Variants in DCAF4 observed in about 807,000 individuals in gnomAD.
DCAF4 encodes DDB1 and CUL4 associated factor 4.
A neutral mutation model predicts 60.9 loss-of-function variants in DCAF4; 37 were observed. That is an observed-to-expected ratio of 0.61 (90% confidence interval 0.47 to 0.80). The LOEUF is 0.80. Ranked by LOEUF, DCAF4 falls within the 30% of genes least tolerant of loss-of-function variation. DCAF4 has a pLI of 0.00. For missense variants in DCAF4, 577 were observed against 650.0 expected, an observed-to-expected ratio of 0.89 and a Z score of 1.22; for synonymous variants, 243 against 254.8, an observed-to-expected ratio of 0.95 and a Z score of 0.44.
chr14:72,928,227 ATTG>A, intron 1 of DCAF4, among the ~76,000 whole-genome samples: 1 of 50,294 alleles, frequency 2.0e-5, no homozygotes. Flanking sequence ...GAATTTCACT[ATTG>A]TTGCCCAGGC....
chr14:72,950,578 G>A (rs1019035482), intron 8 of DCAF4, among the ~76,000 whole-genome samples: 2 of 152,008 alleles, frequency 1.3e-5, no homozygotes, highest in Admixed American at 6.5e-5. Flanking sequence ...TTGGCTATGA[G>A]GGGAAAAGGA....
intron 6 of DCAF4, 124 bp downstream of exon 6, chr14:72,943,220 C>A (rs1890284172): frequency 1.2e-6 from 1 of 837,842 alleles, no homozygotes; most frequent in Non-Finnish European, 1.9e-6. Context: ...TAGGTGGCAT[C>A]TTCTTGGTTG....
At chr14:72,954,339 A>G (rs758694378) in intron 10 of DCAF4, 47 bp from the exon 11 acceptor site, 5 of 1,612,532 alleles carry the variant, frequency 3.1e-6, no homozygotes, top group East Asian at 4.5e-5. Flanking sequence ...CCCTCTCCCC[A>G]GACTACATGT....
intron 4 of DCAF4, 60 bp downstream of exon 4, chr14:72,940,437 A>G (rs1374088710): frequency 6.5e-7 from 1 of 1,535,042 alleles, no homozygotes; most frequent in African/African-American, 1.4e-5. Context: ...CTGTCCATCC[A>G]CTGTTGAAAA....
At chr14:72,940,137 G>T (rs879167896) in intron 3 of DCAF4, 83 bp from the exon 4 acceptor site, 17 of 1,544,328 alleles carry the variant, frequency 1.1e-5, no homozygotes, top group African/African-American at 2.8e-5. Flanking sequence ...GCCACGAGGT[G>T]GGGGGACAGG....
intron 9 of DCAF4, 108 bp downstream of exon 9, chr14:72,951,985 T>G: frequency 8.4e-7 from 1 of 1,192,730 alleles, no homozygotes; most frequent in African/African-American, 1.5e-5. Context: ...TGTGGGAGGA[T>G]TCCCTAAGCC....
chr14:72,941,579 G>C (rs546397341), intron 4 of DCAF4, among the ~76,000 whole-genome samples, 166 bp from the exon 5 acceptor site: 2 of 151,446 alleles, frequency 1.3e-5, no homozygotes, highest in Non-Finnish European at 2.9e-5. Context: ...TCCTCTTGCC[G>C]AGGAAGGGAG....
At chr14:72,935,480 C>G (rs1301597151) in intron 1 of DCAF4, among the ~76,000 whole-genome samples, 2 of 152,364 alleles carry the variant, frequency 1.3e-5, no homozygotes, top group Non-Finnish European at 1.5e-5. Context: ...ATCTCAAACT[C>G]CTGACCTCAG....
downstream of DCAF4, chr14:72,961,997 A>G (rs1892838092): frequency 6.3e-6 from 7 of 1,103,754 alleles, no homozygotes; most frequent in Non-Finnish European, 7.9e-6. Flanking sequence ...CCTCTGTTCT[A>G]ACAGCATCTC....
chr14:72,954,589 G>GTTT (rs1339966318), intron 11 of DCAF4, 106 bp downstream of exon 11: 1 of 1,027,298 alleles, frequency 9.7e-7, no homozygotes, highest in Non-Finnish European at 1.5e-6. Context: ...CTTTGACAGG[G>GTTT]GAGAAAGAGC....
chr14:72,950,055 T>C (rs1476292152), intron 8 of DCAF4, among the ~76,000 whole-genome samples: 2 of 152,188 alleles, frequency 1.3e-5, no homozygotes, highest in African/African-American at 4.8e-5. Flanking sequence ...TGGCAGCAGT[T>C]TGATATTCAT....
chr14:72,951,832 T>C lies in DCAF4; in HGVS notation c.763T>C (p.Cys255Arg), dbSNP rs1891454659. The change falls in exon 9 of 14, where the codon TGT (cysteine) becomes CGT (arginine). Residue 255 changes from cysteine (C) to arginine (R), a missense_variant. Cys to Arg is a radical substitution (Grantham distance 180). Transcript: ENST00000358377. The part of the protein sequence containing the change: ...CLMGLAETPG[C>R]ATLLPASLFV... Reference sequence around the variant, plus strand: ...CATGGGACTCGCAGAGACTCCAGGCTGTGCCACCCTGCTCCCAGCATCACT... The same window carrying C: ...CATGGGACTCGCAGAGACTCCAGGCCGTGCCACCCTGCTCCCAGCATCACT... The C allele has an allele frequency of 2.5e-6, 4 of 1,614,052 alleles. No homozygotes were observed. In the Admixed American group the frequency reaches 6.7e-5, roughly 27 times the overall value.
chr14:72,927,892 T>A (rs1326184061), intron 1 of DCAF4, among the ~76,000 whole-genome samples: 1 of 152,166 alleles, frequency 6.6e-6, no homozygotes, highest in Non-Finnish European at 1.5e-5. Flanking sequence ...CTGTCTAAAA[T>A]GTTGTTTTAC....
In DCAF4 at chr14:72,956,465, T is replaced by C. The variant is rs1594807666; in HGVS notation, c.1259T>C (p.Leu420Pro). ...GTGAATGAGTACGCCTACCTGCCCC[T>C]GCATGTGCACGAGGAAGAAGGAATC... is the stretch of plus-strand genomic sequence containing the variant. ...GHVNEYAYLP[L>P]HVHEEEGILV... The change falls in exon 13 of 14, where the codon CTG becomes CCG. Residue 420 changes from leucine (L) to proline (P), a missense_variant. Transcript: ENST00000358377. 6.2e-7 allele frequency: 1 copy of C among 1,613,336 alleles called. No individual in the cohort carries two copies. The highest frequency in any genetic ancestry group is 1.3e-5 in the African/African-American group (1 of 75,022).
At chr14:72,955,913 CCTTT>C (rs1892217341) in intron 12 of DCAF4, among the ~76,000 whole-genome samples, 1 of 106,906 alleles carries the variant, frequency 9.4e-6, no homozygotes, top group Non-Finnish European at 1.9e-5. Flanking sequence ...CTGGTTATGT[CCTTT>C]TTTTTTTTTT....
At position 72,956,423 on chromosome 14, in the gene DCAF4, G is replaced by A. The variant is rs1294078597; in HGVS notation, c.1217G>A (p.Arg406Lys). 6.2e-7 allele frequency: 1 copy of A among 1,613,310 alleles called. No homozygotes were observed. Among genetic ancestry groups the A allele is most frequent in the Non-Finnish European group, 8.5e-7 (1 of 1,179,688 alleles). ...LWDLRTTKCVRQYEGHVNEYA... is the reference protein window; with the variant it reads ...LWDLRTTKCVKQYEGHVNEYA... ...GACCTGAGGACCACGAAGTGCGTAA[G>A]GCAGTACGAAGGCCACGTGAATGAG... The change falls in exon 13 of 14, where the codon AGG becomes AAG. Residue 406 changes from arginine (R) to lysine (K), a missense_variant. Physicochemically the swap from Arg to Lys is conservative, Grantham distance 26. Transcript: ENST00000358377.
intron 1 of DCAF4, among the ~76,000 whole-genome samples, chr14:72,934,196 A>C (rs1408872201): frequency 1.4e-5 from 2 of 144,764 alleles, no homozygotes; most frequent in Admixed American, 1.4e-4. Context: ...TCTGTTGCTC[A>C]AGGCTGGAGT....
chr14:72,934,080 A>C, intron 1 of DCAF4, among the ~76,000 whole-genome samples: 6 of 136,226 alleles, frequency 4.4e-5, no homozygotes, highest in East Asian at 2.4e-4. Context: ...CATCCCCCCC[A>C]TTTCTTGAAC....
intron 12 of DCAF4, 117 bp downstream of exon 12, chr14:72,955,813 G>A (rs1479787208): frequency 2.1e-6 from 2 of 960,044 alleles, no homozygotes; most frequent in Non-Finnish European, 3.1e-6. Flanking sequence ...GAATTTCGCT[G>A]AAGACCAAGT....
Sources: gnomAD v4.1 joint callset for allele counts (sites outside exome capture counted in the v4.1 genomes callset) on GRCh38, gnomAD v4.1.1 for gene constraint, MANE v1.5 for transcripts, NCBI Gene and HGNC (gene_info 2026-07-23, HGNC 2026-07-21) for gene names.